Variants in CDK17 observed in about 807,000 individuals in gnomAD.
The protein encoded by CDK17 is cyclin-dependent kinase 17.
A neutral mutation model predicts 77.6 loss-of-function variants in CDK17; 24 were observed. The observed-to-expected ratio is 0.31, with a 90% CI of 0.22 to 0.44. The LOEUF (loss-of-function observed/expected upper bound fraction) is 0.44. CDK17 is among the 20% of genes least tolerant of loss of function. The pLI, the probability that CDK17 is intolerant of heterozygous loss-of-function variation, is 1.00. For missense variants in CDK17, 429 were observed against 622.5 expected, an observed-to-expected ratio of 0.69 and a Z score of 3.31; for synonymous variants, 203 against 210.4, an observed-to-expected ratio of 0.96 and a Z score of 0.30.
chr12:96,332,249 T>C (rs1952983356), intron 2 of CDK17, among the ~76,000 whole-genome samples: 1 of 152,172 alleles, frequency 6.6e-6, no homozygotes, highest in Non-Finnish European at 1.5e-5. Flanking sequence ...GTTTGCACAA[T>C]GATGAAATGG....
At chr12:96,312,716 G>A (rs1952659792) in intron 4 of CDK17, among the ~76,000 whole-genome samples, 1 of 151,970 alleles carries the variant, frequency 6.6e-6, no homozygotes, top group Admixed American at 6.6e-5. Context: ...TGAAATAACA[G>A]TCACGATCAA....
intron 1 of CDK17, among the ~76,000 whole-genome samples, chr12:96,340,609 T>A (rs1185830881): frequency 6.6e-6 from 1 of 152,148 alleles, no homozygotes; most frequent in Non-Finnish European, 1.5e-5. Context: ...GAACTGTGCA[T>A]ATCAACTTTT....
intron 3 of CDK17, among the ~76,000 whole-genome samples, chr12:96,314,498 G>A (rs1168470328): frequency 6.6e-6 from 1 of 152,062 alleles, no homozygotes; most frequent in African/African-American, 2.4e-5. Flanking sequence ...ATATCCTACT[G>A]CTCAAGGTCA....
chr12:96,348,645 A>G (rs1206222336), intron 1 of CDK17, among the ~76,000 whole-genome samples: 1 of 152,156 alleles, frequency 6.6e-6, no homozygotes, highest in African/African-American at 2.4e-5. Flanking sequence ...AAACATCACT[A>G]CCAATTATAC....
intron 10 of CDK17, among the ~76,000 whole-genome samples, chr12:96,290,377 C>T (rs1304202344): frequency 6.6e-6 from 1 of 152,066 alleles, no homozygotes; most frequent in Non-Finnish European, 1.5e-5. Flanking sequence ...ATTTTTTAGG[C>T]TGAGATTGCT....
intron 5 of CDK17, among the ~76,000 whole-genome samples, chr12:96,308,823 T>C (rs1053166327): frequency 1.4e-4 from 21 of 151,652 alleles, no homozygotes; most frequent in African/African-American, 4.8e-4. Flanking sequence ...TCAATTTCTC[T>C]TCCTTCAGGT....
Position 96,378,106 on chromosome 12 carries a change from T to C in CDK17, c.-30+21880A>G, listed in dbSNP as rs1400247494. 5.3e-5 allele frequency among the ~76,000 whole-genome samples: 8 copies of C among 152,334 alleles called. No individual in the cohort carries two copies. The East Asian group carries it at 1.2e-3, about 22-fold the overall frequency. On this transcript the variant is annotated intron_variant, in intron 1 of 16. Transcript: ENST00000261211. Reference sequence around the variant, plus strand: ...TTCCGCTAGTAAGATCTTACATTAGTATGGTACTTATTGGCAGGAAGTCAC... The same window carrying C: ...TTCCGCTAGTAAGATCTTACATTAGCATGGTACTTATTGGCAGGAAGTCAC...
Position 96,282,590 on chromosome 12 carries a change from T to C in CDK17, c.1375A>G (p.Lys459Glu). The C allele has an allele frequency of 1.9e-6, 3 of 1,610,270 alleles. No homozygotes were observed. The highest frequency in any genetic ancestry group is 2.5e-6 in the Non-Finnish European group (3 of 1,176,568). Residue 459 changes from lysine (K) to glutamate (E), a missense_variant, in exon 15 of 17, where the codon AAG (lysine) becomes GAG (glutamate). By Grantham distance (56) the Lys-to-Glu change is moderately conservative. Coordinates refer to ENST00000261211, the MANE Select transcript of CDK17 (RefSeq NM_002595.5). Reference protein sequence around the residue: ...LITKFLQYESKKRVSAEEAMK... With the variant: ...LITKFLQYESEKRVSAEEAMK... ...GCCTCTTCAGCTGAAACCCTTTTCT[T>C]AGATTCATACTGTGAAAAAGCAAAG...
At chr12:96,355,410 T>G (rs950331308) in intron 1 of CDK17, among the ~76,000 whole-genome samples, 5 of 143,930 alleles carry the variant, frequency 3.5e-5, no homozygotes, top group African/African-American at 1.3e-4. Flanking sequence ...TTTTTTTTTT[T>G]TTTTTTTTTT....
rs554388257 is a variant in CDK17, at chr12:96,352,976, T to C, written c.-29-18111A>G. Among the ~76,000 whole-genome samples the C allele has an allele frequency of 8.9e-4, 136 of 152,116 alleles. 2 individuals carry two copies. The highest frequency in any genetic ancestry group is 3.5e-3 in the Admixed American group (53 of 15,254). ...AGTGGTGTACAGAATTCATACAACA[T>C]AGAAACCACCTGTCCCACTACTATT... On this transcript the variant is annotated intron_variant, in intron 1 of 16. Coordinates refer to ENST00000261211, the MANE Select transcript of CDK17 (RefSeq NM_002595.5).
chr12:96,358,299 C>T (rs1274830255), intron 1 of CDK17, among the ~76,000 whole-genome samples: 2 of 137,210 alleles, frequency 1.5e-5, no homozygotes, highest in Non-Finnish European at 3.0e-5. Context: ...ACTACATACA[C>T]ACACAGATAT....
intron 1 of CDK17, among the ~76,000 whole-genome samples, chr12:96,383,416 A>C (rs1332885987): frequency 6.6e-6 from 1 of 151,794 alleles, no homozygotes; most frequent in Non-Finnish European, 1.5e-5. Context: ...AAAAAAAAAA[A>C]AACTCTTCTA....
intron 1 of CDK17, among the ~76,000 whole-genome samples, chr12:96,344,865 G>T (rs541145332): frequency 6.6e-6 from 1 of 152,090 alleles, no homozygotes; most frequent in Non-Finnish European, 1.5e-5. Context: ...TGTGCAAGAT[G>T]AGCAGGCTTG....
chr12:96,294,480 G>A (rs1952372688), intron 10 of CDK17, among the ~76,000 whole-genome samples: 2 of 150,126 alleles, frequency 1.3e-5, no homozygotes, highest in African/African-American at 2.5e-5. Flanking sequence ...CTACTTGGGA[G>A]GCTGAGGCAG....
chr12:96,311,974 A>G (rs191558695), intron 4 of CDK17, among the ~76,000 whole-genome samples: 3 of 152,300 alleles, frequency 2.0e-5, no homozygotes, highest in Non-Finnish European at 4.4e-5. Context: ...CTAAAATAAG[A>G]AAGAGTATAT....
At chr12:96,317,694 A>C (rs1399408189) in intron 3 of CDK17, among the ~76,000 whole-genome samples, 1 of 135,018 alleles carries the variant, frequency 7.4e-6, no homozygotes, top group African/African-American at 2.7e-5. Context: ...CATCCAGCCA[A>C]ACTAAGCTTC....
intron 5 of CDK17, among the ~76,000 whole-genome samples, chr12:96,305,127 G>A (rs533984551): frequency 1.3e-5 from 2 of 152,214 alleles, no homozygotes; most frequent in South Asian, 4.1e-4. Flanking sequence ...CTACATATAG[G>A]CTTTGCCACT....
chr12:96,306,259 T>C (rs1952575812), intron 5 of CDK17, among the ~76,000 whole-genome samples: 1 of 152,164 alleles, frequency 6.6e-6, no homozygotes, highest in African/African-American at 2.4e-5. Context: ...ACTCATTATA[T>C]ATTGCCATTA....
rs1160531733 is a variant in CDK17, at chr12:96,319,041, T to C, written c.283+4907A>G. Among the ~76,000 whole-genome samples, 29 of 145,686 alleles carry C rather than the reference T, an allele frequency of 2.0e-4. 1 individual carries two copies. Among genetic ancestry groups the C allele is most frequent in the Non-Finnish European group, 2.7e-4 (18 of 66,366 alleles). On this transcript the variant is annotated intron_variant, in intron 3 of 16. Transcript: ENST00000261211. The stretch of plus-strand genomic sequence containing the variant: ...TTTTTGAAAGGATCAACAAAATTGA[T>C]AGACCGCTAGCAAGACTAATAAAGA...
Sources: gnomAD v4.1 joint callset for allele counts (sites outside exome capture counted in the v4.1 genomes callset) on GRCh38, gnomAD v4.1.1 for gene constraint, MANE v1.5 for transcripts, NCBI Gene and HGNC (gene_info 2026-07-23, HGNC 2026-07-21) for gene names.